The following SLC24A3 variants were observed in gnomAD, a reference collection of about 807,000 sequenced individuals.
SLC24A3 encodes solute carrier family 24 member 3, also known as sodium/potassium/calcium exchanger 3.
SLC24A3 carries 28 observed loss-of-function variants against 75.8 expected under a neutral mutation model. That is an observed-to-expected ratio of 0.37 (90% CI 0.27 to 0.51). The LOEUF (loss-of-function observed/expected upper bound fraction) is 0.51. Among genes scored for constraint, SLC24A3 ranks in the 20% least tolerant of loss-of-function variants. The probability of loss-of-function intolerance (pLI) is 0.94; values close to 1 mark genes in which losing one functional copy is unlikely to be tolerated. For missense variants in SLC24A3, 663 were observed against 847.8 expected, an observed-to-expected ratio of 0.78 and a Z score of 2.71; for synonymous variants, 372 against 334.1, an observed-to-expected ratio of 1.11 and a Z score of -1.24.
chr20:19,649,303 A>G (rs1002943847), intron 6 of SLC24A3, among the ~76,000 whole-genome samples: 1 of 152,256 alleles, frequency 6.6e-6, no homozygotes, highest in Non-Finnish European at 1.5e-5. Flanking sequence ...CATGGAGCCC[A>G]GAAGACGAGG....
chr20:19,255,582 A>T (rs1033559885), intron 1 of SLC24A3, among the ~76,000 whole-genome samples: 3 of 152,304 alleles, frequency 2.0e-5, no homozygotes, highest in Non-Finnish European at 2.9e-5. Flanking sequence ...GGAGCCATTA[A>T]CTGGCACGTG....
chr20:19,367,280 A>G (rs1470516503), intron 2 of SLC24A3, among the ~76,000 whole-genome samples: 1 of 152,256 alleles, frequency 6.6e-6, no homozygotes, highest in Non-Finnish European at 1.5e-5. Flanking sequence ...TAGTGGTCAC[A>G]GGAGCCGATT....
At chr20:19,258,441 C>T (rs545724219) in intron 1 of SLC24A3, among the ~76,000 whole-genome samples, 40 of 152,338 alleles carry the variant, frequency 2.6e-4, no homozygotes, top group African/African-American at 9.1e-4. Flanking sequence ...TGCCGTGGCT[C>T]ACGCCTGTAA....
chr20:19,605,879 A>G (rs533255123), intron 6 of SLC24A3, among the ~76,000 whole-genome samples: 1 of 152,198 alleles, frequency 6.6e-6, no homozygotes, highest in Non-Finnish European at 1.5e-5. Context: ...GGAAGGGAAG[A>G]GGCTACACCT....
chr20:19,492,771 A>T (rs1398046572), intron 2 of SLC24A3, among the ~76,000 whole-genome samples: 1 of 152,160 alleles, frequency 6.6e-6, no homozygotes, highest in Non-Finnish European at 1.5e-5. Flanking sequence ...TATTTTTATA[A>T]TAATATTAAA....
intron 6 of SLC24A3, among the ~76,000 whole-genome samples, chr20:19,611,208 C>T (rs531732188): frequency 4.5e-4 from 68 of 152,300 alleles, no homozygotes; most frequent in East Asian, 1.2e-3. Flanking sequence ...ATTCAACAGG[C>T]GGGCAGACTC....
chr20:19,519,505 G>T (rs984259201), intron 3 of SLC24A3, among the ~76,000 whole-genome samples: 2 of 152,136 alleles, frequency 1.3e-5, no homozygotes. Context: ...TTTAAAAAAG[G>T]TTTCTGTTCC....
In SLC24A3 at chr20:19,429,517, A is replaced by T. The variant is rs185540507; in HGVS notation, c.272-85971A>T. Among the ~76,000 whole-genome samples, 70 of 152,322 alleles carry T rather than the reference A, an allele frequency of 4.6e-4. 2 individuals carry two copies. The highest frequency in any genetic ancestry group is 1.7e-3 in the African/African-American group (69 of 41,568). On this transcript the variant is annotated intron_variant, in intron 2 of 16. Coordinates refer to ENST00000328041, the MANE Select transcript of SLC24A3 (RefSeq NM_020689.4). Reference sequence around the variant, plus strand: ...TTTGTATCTACCCCTCATTCAGGAGACACTGTTCTTTCTTGAGTTAAGCTT... The same window carrying T: ...TTTGTATCTACCCCTCATTCAGGAGTCACTGTTCTTTCTTGAGTTAAGCTT...
At chr20:19,654,741 G>A (rs971638899) in intron 7 of SLC24A3, among the ~76,000 whole-genome samples, 3 of 146,530 alleles carry the variant, frequency 2.0e-5, no homozygotes, top group East Asian at 4.1e-4. Flanking sequence ...TCCGCCTCCC[G>A]GGTCCCAATG....
chr20:19,416,033 A>T (rs1986822612), intron 2 of SLC24A3, among the ~76,000 whole-genome samples: 1 of 152,172 alleles, frequency 6.6e-6, no homozygotes. Flanking sequence ...TGGCAGTGAT[A>T]TTTAACTCCA....
At chr20:19,703,117 T>G (rs548975086) in intron 15 of SLC24A3, among the ~76,000 whole-genome samples, 3 of 152,326 alleles carry the variant, frequency 2.0e-5, no homozygotes, top group South Asian at 4.1e-4. Flanking sequence ...TGCTTTAATA[T>G]TCTGCATTCT....
At chr20:19,613,860 T>C (rs2031702358) in intron 6 of SLC24A3, among the ~76,000 whole-genome samples, 1 of 152,218 alleles carries the variant, frequency 6.6e-6, no homozygotes, top group Non-Finnish European at 1.5e-5. Flanking sequence ...ATGGGAATGT[T>C]TGAACAGCTC....
intron 3 of SLC24A3, among the ~76,000 whole-genome samples, chr20:19,540,703 C>T (rs2030481074): frequency 6.6e-6 from 1 of 152,216 alleles, no homozygotes; most frequent in Non-Finnish European, 1.5e-5. Context: ...TTAGTCAGTG[C>T]TGCATTCATG....
At chr20:19,258,853 C>T (rs1982900116) in intron 1 of SLC24A3, among the ~76,000 whole-genome samples, 2 of 152,258 alleles carry the variant, frequency 1.3e-5, no homozygotes. Context: ...CAAGATAAGG[C>T]CAGTGTCTTC....
chr20:19,717,556 A>G lies in SLC24A3; in HGVS notation c.1748A>G (p.Tyr583Cys), dbSNP rs1397792411. ...YIRLNSRGLIYSVGLLLASVF... is the reference protein window; with the variant it reads ...YIRLNSRGLICSVGLLLASVF... ...CGGCTGAATAGCAGGGGGCTGATCT[A>G]CTCCGTAGGCTTGCTCCTGGCCTCT... The change falls in exon 16 of 17, where the codon TAC becomes TGC. Residue 583 changes from tyrosine to cysteine, a missense_variant. Tyr to Cys is a radical substitution (Grantham distance 194). Around this residue, in one of 2 missense-constraint regions of SLC24A3, gnomAD observed 510 missense variants for 703.6 expected, o/e 0.72. Coordinates refer to ENST00000328041, the MANE Select transcript of SLC24A3 (RefSeq NM_020689.4). The G allele has an allele frequency of 1.2e-6, 2 of 1,613,828 alleles. No individual in the cohort carries two copies. Among genetic ancestry groups the G allele is most frequent in the African/African-American group, 2.7e-5 (2 of 74,838 alleles).
intron 2 of SLC24A3, among the ~76,000 whole-genome samples, chr20:19,347,199 G>A (rs930787534): frequency 2.6e-5 from 4 of 152,220 alleles, no homozygotes; most frequent in African/African-American, 9.6e-5. Context: ...ATAAGTAGTT[G>A]CTTGGGGCTC....
chr20:19,591,326 CA>C (rs201342268), intron 6 of SLC24A3, among the ~76,000 whole-genome samples: 24 of 147,862 alleles, frequency 1.6e-4, no homozygotes, highest in African/African-American at 2.5e-4. Context: ...CAGGTAACAA[CA>C]AAAAAAAAAT....
At chr20:19,446,303 A>T (rs1987383442) in intron 2 of SLC24A3, among the ~76,000 whole-genome samples, 1 of 152,244 alleles carries the variant, frequency 6.6e-6, no homozygotes, top group South Asian at 2.1e-4. Context: ...GCTAATATTT[A>T]CAGATTTAAA....
rs981071041 is a variant in SLC24A3 at position 19,425,544 on chromosome 20, C to T, written c.272-89944C>T. Among the ~76,000 whole-genome samples the T allele has an allele frequency of 2.4e-4, 36 of 152,266 alleles. 1 individual carries two copies. The highest frequency in any genetic ancestry group is 8.2e-4 in the African/African-American group (34 of 41,560). ...CACATGGGAGAGGTGGTGGCCTTCC[C>T]GTTGCATCGGTTCCAGAGGTTCATG... On this transcript the variant is annotated intron_variant, in intron 2 of 16. Transcript: ENST00000328041.
Sources: allele counts gnomAD v4.1 joint callset (sites outside exome capture counted in the v4.1 genomes callset), GRCh38; gene constraint gnomAD v4.1.1; regional missense constraint gnomAD v4.1.1; transcripts MANE v1.5; gene names NCBI Gene and HGNC (gene_info 2026-07-23, HGNC 2026-07-21).